The following ACAP2 variants were observed in gnomAD, a reference collection of about 807,000 sequenced individuals.
ACAP2 encodes the protein arf-GAP with coiled-coil, ANK repeat and PH domain-containing protein 2.
ACAP2 carries 39 observed loss-of-function variants against 115.8 expected under a neutral mutation model. That is an observed-to-expected ratio of 0.34 (90% CI 0.26 to 0.44). ACAP2 has a LOEUF of 0.44. Among genes scored for constraint, ACAP2 ranks in the 20% least tolerant of loss-of-function variants. The pLI is 1.00. For synonymous variants in ACAP2, 289 were observed against 315.8 expected (o/e 0.92, Z 0.90); for missense variants, 662 against 927.6 (o/e 0.71, Z 3.72).
rs1284375936 is a variant in ACAP2, at chr3:195,277,651, A to T, written c.*1677T>A. The T allele has an allele frequency of 6.6e-6, 1 of 152,236 alleles. No individual in the cohort carries two copies. Among genetic ancestry groups the T allele is most frequent in the Non-Finnish European group, 1.5e-5 (1 of 68,046 alleles). The allele number at this position is 152,236 out of a possible 1,614,324, so 9.4% of individuals were successfully genotyped here. On this transcript the variant is annotated 3_prime_UTR_variant, in exon 23 of 23. Transcript: ENST00000326793. ...CCCTAGTGACTGGGAAATGTTAGAA[A>T]ATTTATCTATAATTGGATCATAAAG...
Position 195,333,072 on chromosome 3 carries a change from G to T in ACAP2, c.625C>A (p.Leu209Met), listed in dbSNP as rs755350870. Reference protein sequence around the residue: ...HLAFFHQGYDLFSELGPYMKD... With the variant: ...HLAFFHQGYDMFSELGPYMKD... ...ATGTAGGGTCCAAGTTCACTAAACA[G>T]ATCATATCCTTGATGAAAGAAGGCC... The change falls in exon 8 of 23, where the codon CTG becomes ATG. Residue 209 changes from leucine to methionine, a missense_variant. By Grantham distance (15) the Leu-to-Met change is conservative. Transcript: ENST00000326793. The T allele has an allele frequency of 7.5e-5, 120 of 1,609,376 alleles. No homozygotes were observed. The highest frequency in any genetic ancestry group is 9.8e-5 in the Non-Finnish European group (115 of 1,178,082).
At chr3:195,429,770 G>C (rs1375937457) in intron 1 of ACAP2, among the ~76,000 whole-genome samples, 1 of 152,060 alleles carries the variant, frequency 6.6e-6, no homozygotes, top group African/African-American at 2.4e-5. Flanking sequence ...AGAAACCATT[G>C]CCTAATTCAA....
Position 195,405,385 on chromosome 3 carries a change from T to C in ACAP2, c.54-13238A>G, listed in dbSNP as rs556628862. ...ATGATGTATTGGTCTGTTCTTTCAT[T>C]GCTATAAAGAAACACCTGAGGTCTG... On this transcript the variant is annotated intron_variant, in intron 1 of 22. Coordinates refer to ENST00000326793, the MANE Select transcript of ACAP2 (RefSeq NM_012287.6). 5.3e-5 allele frequency among the ~76,000 whole-genome samples: 8 copies of C among 152,258 alleles called. No individual in the cohort carries two copies. In the South Asian group the frequency reaches 1.5e-3, roughly 28 times the overall value.
intron 1 of ACAP2, among the ~76,000 whole-genome samples, chr3:195,432,118 G>A (rs1462506629): frequency 2.6e-5 from 4 of 152,104 alleles, no homozygotes; most frequent in African/African-American, 9.7e-5. Flanking sequence ...GGTATAATTT[G>A]CAAATATTTT....
At chr3:195,400,871 TA>T (rs1389660753) in intron 1 of ACAP2, among the ~76,000 whole-genome samples, 1 of 152,106 alleles carries the variant, frequency 6.6e-6, no homozygotes, top group African/African-American at 2.4e-5. Flanking sequence ...TAAGAATATT[TA>T]GGGACAGTTC....
intron 1 of ACAP2, among the ~76,000 whole-genome samples, chr3:195,410,172 A>C (rs773717434): frequency 6.6e-6 from 1 of 152,192 alleles, no homozygotes; most frequent in African/African-American, 2.4e-5. Flanking sequence ...GCAATGGGGA[A>C]AAGTCAGTCC....
rs568129172 is a variant in ACAP2 at position 195,422,173 on chromosome 3, T to C, written c.53+20622A>G. Reference sequence around the variant, plus strand: ...TACTCCCTTGTACCCAATACCTAGTTTCAATGATCAGAACTTTGCCATTCC... The same window carrying C: ...TACTCCCTTGTACCCAATACCTAGTCTCAATGATCAGAACTTTGCCATTCC... On this transcript the variant is annotated intron_variant, in intron 1 of 22. Coordinates refer to ENST00000326793, the MANE Select transcript of ACAP2 (RefSeq NM_012287.6). Among the ~76,000 whole-genome samples the C allele has an allele frequency of 5.9e-5, 9 of 152,314 alleles. No individual in the cohort carries two copies. The East Asian group carries it at 1.5e-3, about 26-fold the overall frequency.
chr3:195,423,479 C>T (rs1490198828), intron 1 of ACAP2, among the ~76,000 whole-genome samples: 2 of 151,850 alleles, frequency 1.3e-5, no homozygotes, highest in Non-Finnish European at 2.9e-5. Context: ...CAAAATTAGC[C>T]GGGTGTGATG....
At chr3:195,354,314 A>G (rs1319402829) in intron 4 of ACAP2, among the ~76,000 whole-genome samples, 1 of 152,214 alleles carries the variant, frequency 6.6e-6, no homozygotes, top group Non-Finnish European at 1.5e-5. Context: ...ATACACATAC[A>G]TATGTCTTTA....
chr3:195,321,054 CAT>C (rs1729415663), intron 9 of ACAP2, among the ~76,000 whole-genome samples: 1 of 151,646 alleles, frequency 6.6e-6, no homozygotes, highest in Admixed American at 6.6e-5. Flanking sequence ...GACGTAAGGA[CAT>C]ATAATTATAT....
At chr3:195,284,476 T>C (rs1726715949) in intron 22 of ACAP2, among the ~76,000 whole-genome samples, 1 of 152,212 alleles carries the variant, frequency 6.6e-6, no homozygotes, top group Admixed American at 6.5e-5. Context: ...CCTACTATTG[T>C]ATGATCCATA....
intron 1 of ACAP2, among the ~76,000 whole-genome samples, chr3:195,411,697 C>T (rs1713274031): frequency 6.6e-6 from 1 of 151,902 alleles, no homozygotes; most frequent in East Asian, 1.9e-4. Context: ...TAGATCAAAC[C>T]ACGGAGAGAC....
At chr3:195,408,761 A>T (rs1713000434) in intron 1 of ACAP2, among the ~76,000 whole-genome samples, 1 of 152,226 alleles carries the variant, frequency 6.6e-6, no homozygotes, top group Admixed American at 6.5e-5. Flanking sequence ...ATGACCTAGT[A>T]GAATTTATTC....
intron 4 of ACAP2, among the ~76,000 whole-genome samples, chr3:195,376,515 C>G (rs1396379918): frequency 1.3e-5 from 2 of 152,074 alleles, no homozygotes; most frequent in East Asian, 3.9e-4. Context: ...TGCACTCCAG[C>G]CTGGGAGAGA....
chr3:195,417,780 T>G (rs1225606303), intron 1 of ACAP2, among the ~76,000 whole-genome samples: 1 of 151,974 alleles, frequency 6.6e-6, no homozygotes, highest in South Asian at 2.1e-4. Context: ...AAACTCCATC[T>G]CTACAAAAAA....
At chr3:195,332,799 T>A (rs942513681) in intron 8 of ACAP2, among the ~76,000 whole-genome samples, 1 of 152,176 alleles carries the variant, frequency 6.6e-6, no homozygotes, top group African/African-American at 2.4e-5. Flanking sequence ...GTGAAAAAGA[T>A]GCCTTGCTTT....
intron 1 of ACAP2, among the ~76,000 whole-genome samples, chr3:195,421,267 A>G (rs1714167614): frequency 6.6e-6 from 1 of 152,160 alleles, no homozygotes. Context: ...GAGTCCAAAC[A>G]AAGGCATTTT....
intron 1 of ACAP2, among the ~76,000 whole-genome samples, chr3:195,429,144 T>C (rs1193861212): frequency 6.6e-6 from 1 of 152,002 alleles, no homozygotes. Context: ...TCCCAGCACT[T>C]TGGGAGGCTG....
At chr3:195,411,216 C>G (rs889312199) in intron 1 of ACAP2, among the ~76,000 whole-genome samples, 4 of 152,158 alleles carry the variant, frequency 2.6e-5, no homozygotes, top group Admixed American at 6.5e-5. Flanking sequence ...GTGGAAAGTA[C>G]TATGGCAACA....
Sources: allele counts gnomAD v4.1 joint callset (sites outside exome capture counted in the v4.1 genomes callset), GRCh38; gene constraint gnomAD v4.1.1; transcripts MANE v1.5; gene names NCBI Gene and HGNC (gene_info 2026-07-23, HGNC 2026-07-21).